PFKFB4: variants seen among roughly 807,000 people sequenced by gnomAD.
PFKFB4 encodes the protein 6-phosphofructo-2-kinase/fructose-2,6-biphosphatase 4, also known as 6-phosphofructo-2-kinase/fructose-2,6-bisphosphatase 4.
A neutral mutation model predicts 62.8 loss-of-function variants in PFKFB4; 42 were observed. The observed-to-expected ratio is 0.67, with a 90% CI of 0.52 to 0.86. The LOEUF is 0.86. PFKFB4 is among the 40% of genes least tolerant of loss of function. The pLI, the probability that PFKFB4 is intolerant of heterozygous loss-of-function variation, is 0.00. For missense variants in PFKFB4, 475 were observed against 627.2 expected (o/e 0.76, Z 2.59); for synonymous variants, 204 against 240.7 (o/e 0.85, Z 1.41).
In PFKFB4 at chr3:48,519,744, T is replaced by C. The variant is rs747769448; in HGVS notation, c.*3A>G. 7 of 1,611,382 alleles carry C rather than the reference T, an allele frequency of 4.3e-6. No individual in the cohort carries two copies. In the Admixed American group the frequency reaches 1.0e-4, roughly 23 times the overall value. On this transcript the variant is annotated 3_prime_UTR_variant, in exon 14 of 14. Transcript: ENST00000232375. ...GCCTAGTGGTCACAGTGGATGAACATGGTCACTGGTGAGCAGGCACCGTGA... is the reference window on the plus strand; with the variant it reads ...GCCTAGTGGTCACAGTGGATGAACACGGTCACTGGTGAGCAGGCACCGTGA...
chr3:48,545,865 A>G (rs960023218), intron 3 of PFKFB4, among the ~76,000 whole-genome samples: 4 of 152,296 alleles, frequency 2.6e-5, no homozygotes, highest in Admixed American at 2.6e-4. Flanking sequence ...AGTCCAGGTA[A>G]CTGGCATTGG....
chr3:48,556,816 C>T, upstream of PFKFB4: 1 of 1,574,512 alleles, frequency 6.4e-7, no homozygotes, highest in South Asian at 1.1e-5. This position sits in a 1 kb window ranked among gnomAD's most constrained non-coding sequence, Gnocchi z 5.7. Flanking sequence ...CGCTTCCAAC[C>T]CAGCAGCCGG....
upstream of PFKFB4, chr3:48,559,399 T>C: frequency 2.5e-6 from 1 of 406,016 alleles, no homozygotes; most frequent in South Asian, 1.8e-5. Context: ...GGGAGAAGGG[T>C]CCAAGATCAC....
Position 48,522,021 on chromosome 3 carries a change from C to T in PFKFB4, c.1315G>A (p.Val439Met), listed in dbSNP as rs2042112181. The T allele has an allele frequency of 1.9e-6, 3 of 1,614,188 alleles. No individual in the cohort carries two copies. Among genetic ancestry groups the T allele is most frequent in the Non-Finnish European group, 2.5e-6 (3 of 1,180,016 alleles). Residue 439 changes from valine to methionine, a missense_variant, in exon 13 of 14, where the codon GTG becomes ATG. Physicochemically the swap from Val to Met is conservative, Grantham distance 21 (BLOSUM62 1). Transcript: ENST00000232375. The part of the protein sequence containing the change: ...GCKVESIFLN[V>M]AAVNTHRDRP... ...TCCCGGTGCGTGTTCACAGCAGCCA[C>T]GTTCAGGAATATGGACTCCACTTTA...
intron 10 of PFKFB4, among the ~76,000 whole-genome samples, chr3:48,524,607 C>G (rs1298528536): frequency 6.6e-6 from 1 of 152,186 alleles, no homozygotes; most frequent in African/African-American, 2.4e-5. Context: ...CTTTGTTTCT[C>G]CTGACCGTTA....
In PFKFB4 at chr3:48,545,024, A is replaced by G. The variant is rs113213245; in HGVS notation, c.312-1378T>C. Among the ~76,000 whole-genome samples the G allele has an allele frequency of 2.8e-3, 429 of 152,278 alleles. 2 individuals carry two copies. The highest frequency in any genetic ancestry group is 4.6e-3 in the Non-Finnish European group (311 of 68,012). On this transcript the variant is annotated intron_variant, in intron 3 of 13. Coordinates refer to ENST00000232375, the MANE Select transcript of PFKFB4 (RefSeq NM_004567.4). ...CAGGCGCGAGCCACTGCACCCAGCCAGGATTATTCTCATCAATTTATCCTA... is the reference window on the plus strand; with the variant it reads ...CAGGCGCGAGCCACTGCACCCAGCCGGGATTATTCTCATCAATTTATCCTA...
upstream of PFKFB4, chr3:48,562,832 T>C: frequency 6.3e-7 from 1 of 1,578,386 alleles, no homozygotes; most frequent in Non-Finnish European, 8.6e-7. The surrounding 1 kb of genome is among the most constrained non-coding windows in gnomAD (Gnocchi z 4.3). Context: ...GGTGGTGGCC[T>C]GCTCCCTGGC....
chr3:48,544,441 C>CTTTTTTTTTT (rs34817026), intron 3 of PFKFB4, among the ~76,000 whole-genome samples: 1 of 100,368 alleles, frequency 1.0e-5, no homozygotes, highest in Non-Finnish European at 2.0e-5. Context: ...GTTTTCAGAT[C>CTTTTTTTTTT]TTTTTTTTTT....
intron 9 of PFKFB4, among the ~76,000 whole-genome samples, chr3:48,529,873 G>C (rs7622623): frequency 0.028 from 4,213 of 151,746 alleles, 192 homozygotes; most frequent in African/African-American, 0.096. Flanking sequence ...AAGATGGCTT[G>C]AGTCCAGGAG....
intron 4 of PFKFB4, among the ~76,000 whole-genome samples, chr3:48,543,011 C>T (rs2042846334): frequency 1.3e-5 from 2 of 152,098 alleles, no homozygotes; most frequent in Admixed American, 6.6e-5. Flanking sequence ...GTGCTACAGG[C>T]ACAGATTGTA....
intron 7 of PFKFB4, 150 bp downstream of exon 7, chr3:48,538,348 T>G (rs2042690692): frequency 1.0e-6 from 1 of 986,736 alleles, no homozygotes; most frequent in African/African-American, 1.6e-5. Context: ...TGACCAAACA[T>G]TTCTGCCCCA....
chr3:48,556,988 C>G, upstream of PFKFB4: 1 of 1,380,836 alleles, frequency 7.2e-7, no homozygotes, highest in Non-Finnish European at 9.3e-7. This position sits in a 1 kb window ranked among gnomAD's most constrained non-coding sequence, Gnocchi z 5.7. Context: ...CTCACCTACC[C>G]GCCCGTTTTG....
intron 7 of PFKFB4, among the ~76,000 whole-genome samples, chr3:48,537,837 T>A (rs1259967369): frequency 6.6e-6 from 1 of 152,172 alleles, no homozygotes; most frequent in Non-Finnish European, 1.5e-5. Context: ...TATTACACAA[T>A]CTTATAGAAT....
Position 48,536,544 on chromosome 3 carries a change from A to G in PFKFB4, c.633-81T>C, listed in dbSNP as rs2042624197. On this transcript the variant is annotated intron_variant, in intron 7 of 13. Coordinates refer to ENST00000232375, the MANE Select transcript of PFKFB4 (RefSeq NM_004567.4). ...GCACATCTGGCTAGCCACGGAATCT[A>G]GCTGCGAGGCCTTGCACTTCCAACC... is the stretch of plus-strand genomic sequence containing the variant. 4 of 1,111,382 alleles carry G rather than the reference A, an allele frequency of 3.6e-6. No homozygotes were observed. In the Admixed American group the frequency reaches 7.5e-5, roughly 21 times the overall value. 68.8% of individuals were successfully genotyped at this position (1,111,382 alleles called of 1,614,324 possible).
chr3:48,549,425 C>G (rs1318088298), intron 3 of PFKFB4, among the ~76,000 whole-genome samples: 2 of 152,150 alleles, frequency 1.3e-5, no homozygotes, highest in Non-Finnish European at 2.9e-5. Context: ...TGCACTCACT[C>G]AGGTTCCCTT....
chr3:48,538,093 T>C (rs1219335222), intron 7 of PFKFB4, among the ~76,000 whole-genome samples: 2 of 152,184 alleles, frequency 1.3e-5, no homozygotes, highest in East Asian at 1.9e-4. Flanking sequence ...GCTATGCCCA[T>C]TGATTTACAT....
chr3:48,539,336 G>C, intron 5 of PFKFB4, 26 bp from the exon 6 acceptor site: 1 of 1,608,880 alleles, frequency 6.2e-7, no homozygotes, highest in Non-Finnish European at 8.5e-7. Flanking sequence ...AAGCGCCGGG[G>C]TGGTGGGAGG....
At chr3:48,536,538 G>T in intron 7 of PFKFB4, 75 bp from the exon 8 acceptor site, 1 of 1,191,226 alleles carries the variant, frequency 8.4e-7, no homozygotes, top group Non-Finnish European at 1.2e-6. Flanking sequence ...GCTAGCCACG[G>T]AATCTAGCTG....
intron 6 of PFKFB4, 126 bp from the exon 7 acceptor site, chr3:48,538,745 G>T: frequency 2.5e-6 from 3 of 1,218,842 alleles, no homozygotes; most frequent in Non-Finnish European, 3.4e-6. Flanking sequence ...GGAACCTGAG[G>T]CTGGAAGCTG....
Sources: allele counts gnomAD v4.1 joint callset (sites outside exome capture counted in the v4.1 genomes callset), GRCh38; gene constraint gnomAD v4.1.1; non-coding constraint Gnocchi (gnomAD v3.1); transcripts MANE v1.5; gene names NCBI Gene and HGNC (gene_info 2026-07-23, HGNC 2026-07-21).